SPTLC1: variants seen among roughly 807,000 people sequenced by gnomAD.
SPTLC1 encodes the protein serine palmitoyltransferase 1.
Under a neutral mutation model 68.9 loss-of-function variants are expected in SPTLC1, and 55 were observed. The ratio of observed to expected loss-of-function variants is 0.80; its 90% CI spans 0.64 to 1.00. The LOEUF is 1.00. Ranked by LOEUF, SPTLC1 falls within the 50% of genes least tolerant of loss-of-function variation. SPTLC1 has a pLI of 0.00. For synonymous variants in SPTLC1, 197 were observed against 201.6 expected, an observed-to-expected ratio of 0.98 and a Z score of 0.19; for missense variants, 449 against 573.1, an observed-to-expected ratio of 0.78 and a Z score of 2.21.
intron 2 of SPTLC1, chr9:92,109,277 A>T (rs1377543781): frequency 1.1e-5 from 2 of 182,292 alleles, no homozygotes; most frequent in Admixed American, 1.1e-4. Context: ...ATTATCTCAG[A>T]AGTATCCTTC....
At chr9:92,112,007 T>G (rs181477927) in intron 2 of SPTLC1, 1 of 158,120 alleles carries the variant, frequency 6.3e-6, no homozygotes, top group Non-Finnish European at 1.4e-5. Context: ...TCAGAATTCT[T>G]TTTTGATTTA....
At chr9:92,037,657 T>C (rs1432348702) in intron 13 of SPTLC1, among the ~76,000 whole-genome samples, 1 of 152,192 alleles carries the variant, frequency 6.6e-6, no homozygotes, top group African/African-American at 2.4e-5. Context: ...GGGCAAGCAG[T>C]TTTCCCTGGT....
At chr9:92,066,339 T>C (rs931848357) in intron 6 of SPTLC1, among the ~76,000 whole-genome samples, 1 of 152,194 alleles carries the variant, frequency 6.6e-6, no homozygotes, top group Non-Finnish European at 1.5e-5. Flanking sequence ...ATAAATTCTC[T>C]CTGGCTGTAA....
chr9:92,059,101 C>T (rs1833997278), intron 7 of SPTLC1, 78 bp downstream of exon 7: 7 of 1,538,802 alleles, frequency 4.5e-6, no homozygotes, highest in Middle Eastern at 2.1e-4. Flanking sequence ...GTTTTCATGA[C>T]AAATTACCAT....
At chr9:92,075,807 T>C (rs1011429522) in intron 5 of SPTLC1, among the ~76,000 whole-genome samples, 4 of 152,196 alleles carry the variant, frequency 2.6e-5, no homozygotes, top group Non-Finnish European at 4.4e-5. Context: ...ATGGGGACCA[T>C]TGCCTTTGGA....
At chr9:92,082,228 C>T (rs1834910688) in intron 3 of SPTLC1, among the ~76,000 whole-genome samples, 1 of 151,864 alleles carries the variant, frequency 6.6e-6, no homozygotes, top group Admixed American at 6.6e-5. Flanking sequence ...TCAAGGGCTT[C>T]TCTATTTTAT....
intron 8 of SPTLC1, among the ~76,000 whole-genome samples, chr9:92,053,042 C>CA (rs1833761098): frequency 6.7e-6 from 1 of 148,294 alleles, no homozygotes; most frequent in African/African-American, 2.5e-5. Flanking sequence ...CTTTTAAAAA[C>CA]AAAAAAACAA....
intron 12 of SPTLC1, among the ~76,000 whole-genome samples, chr9:92,039,100 T>C (rs1265451408): frequency 6.6e-6 from 1 of 152,136 alleles, no homozygotes; most frequent in Non-Finnish European, 1.5e-5. Context: ...TGAGCTGAGA[T>C]TGTGCCACTA....
chr9:92,085,155 G>A (rs1835065437), intron 3 of SPTLC1, among the ~76,000 whole-genome samples: 1 of 150,458 alleles, frequency 6.6e-6, no homozygotes, highest in Non-Finnish European at 1.5e-5. Flanking sequence ...AGTCTTGCTA[G>A]CGGTCTATCA....
chr9:92,086,730 C>G (rs898197946), intron 3 of SPTLC1, among the ~76,000 whole-genome samples: 1 of 152,066 alleles, frequency 6.6e-6, no homozygotes, highest in Non-Finnish European at 1.5e-5. Context: ...CTTGGAGTTG[C>G]TCTTCTCAAG....
At position 92,032,485 on chromosome 9, in the gene SPTLC1, C is replaced by A. The variant is rs748723735; in HGVS notation, c.1402G>T (p.Ala468Ser). The change falls in exon 15 of 15, where the codon GCC becomes TCC. Residue 468 changes from alanine (A) to serine (S), a missense_variant. Around this residue, in one of 3 missense-constraint regions of SPTLC1, gnomAD observed 391 missense variants for 472.1 expected, o/e 0.83. Transcript: ENST00000262554. ...ERAASTIKEV[A>S]QAVLL ...TCTGCCTAGAGCAGGACGGCCTGGG[C>A]TACCTCCTTGATGGTGGACGCAGCT... 118 of 1,614,138 alleles carry A rather than the reference C, an allele frequency of 7.3e-5. 1 individual carries two copies. The highest frequency in any genetic ancestry group is 8.9e-5 in the Non-Finnish European group (105 of 1,180,056).
rs1832968758 is a variant in SPTLC1 at position 92,031,651 on chromosome 9, A to G, written c.*814T>C. 6.6e-6 allele frequency: 1 copy of G among 152,596 alleles called. No individual in the cohort carries two copies. Among genetic ancestry groups the G allele is most frequent in the Admixed American group, 6.5e-5 (1 of 15,286 alleles). The allele number at this position is 152,596 out of a possible 1,614,324, so 9.5% of individuals were successfully genotyped here. On this transcript the variant is annotated 3_prime_UTR_variant, in exon 15 of 15. Coordinates refer to ENST00000262554, the MANE Select transcript of SPTLC1 (RefSeq NM_006415.4). Reference sequence around the variant, plus strand: ...AAAAGGAATACATTTGAGATATTCTAAAATATAAAGGATATGATTTATATT... The same window carrying G: ...AAAAGGAATACATTTGAGATATTCTGAAATATAAAGGATATGATTTATATT...
rs1487418038 is a variant in SPTLC1, at chr9:92,031,868, T to C, written c.*597A>G. On this transcript the variant is annotated 3_prime_UTR_variant, in exon 15 of 15. Coordinates refer to ENST00000262554, the MANE Select transcript of SPTLC1 (RefSeq NM_006415.4). ...GAAATGGTGTGACATCAATATTTAG[T>C]GTGTACAAAAGTTCTAAGATTCAAA... The C allele has an allele frequency of 6.2e-6, 1 of 161,488 alleles. No individual in the cohort carries two copies. Among genetic ancestry groups the C allele is most frequent in the Non-Finnish European group, 1.4e-5 (1 of 74,026 alleles). The allele number at this position is 161,488 out of a possible 1,614,324, so 10.0% of individuals were successfully genotyped here.
intron 3 of SPTLC1, among the ~76,000 whole-genome samples, chr9:92,095,505 C>CACAGAAGAATATGTAGCAG (rs1278148455): frequency 6.6e-6 from 1 of 152,100 alleles, no homozygotes; most frequent in Non-Finnish European, 1.5e-5. Context: ...TGGCTGTATA[C>CACAGAAGAATATGTAGCAG]ACAGAAGAAT....
In SPTLC1 at chr9:92,112,626, T is replaced by C; in HGVS notation, c.58-64A>G. On this transcript the variant is annotated intron_variant, in intron 1 of 14. Transcript: ENST00000262554. Reference sequence around the variant, plus strand: ...CACTTCTAACACCTGCACATAAAATTTACTACACCTGCATATACTGCCTCC... The same window carrying C: ...CACTTCTAACACCTGCACATAAAATCTACTACACCTGCATATACTGCCTCC... 3 of 1,019,896 alleles carry C rather than the reference T, an allele frequency of 2.9e-6. No individual in the cohort carries two copies. The Admixed American group carries it at 5.2e-5, about 18-fold the overall frequency. 63.2% of individuals were successfully genotyped at this position (1,019,896 alleles called of 1,614,324 possible).
chr9:92,103,745 G>A (rs200597238), intron 3 of SPTLC1, among the ~76,000 whole-genome samples: 5 of 152,222 alleles, frequency 3.3e-5, no homozygotes, highest in South Asian at 2.1e-4. Flanking sequence ...GAAAGGCCCC[G>A]GGGGAGCCTG....
intron 3 of SPTLC1, chr9:92,104,561 G>A (rs188705823): frequency 3.4e-5 from 50 of 1,466,638 alleles, no homozygotes; most frequent in South Asian, 3.2e-4. Context: ...CCTCAGCCCC[G>A]TGAGGATCTC....
chr9:92,054,575 T>G (rs1833817051), intron 8 of SPTLC1, among the ~76,000 whole-genome samples: 1 of 152,154 alleles, frequency 6.6e-6, no homozygotes. Flanking sequence ...ACCCTTAAAG[T>G]AGGTGTATTT....
rs763065459 is a variant in SPTLC1, at chr9:92,047,687, T to C, written c.910A>G (p.Ser304Gly). The C allele has an allele frequency of 1.9e-6, 3 of 1,613,092 alleles. No individual in the cohort carries two copies. Among genetic ancestry groups the C allele is most frequent in the African/African-American group, 1.3e-5 (1 of 74,888 alleles). The change falls in exon 10 of 15, where the codon AGT becomes GGT. Residue 304 changes from serine (S) to glycine (G), a missense_variant. Transcript: ENST00000262554. ...GINIDDIDLI[S>G]ANMENALASI... ...GCAAGTGCATTCTCCATGTTGGCAC[T>C]GATAAGATCAATATCATCAATCTGC...
Sources: gnomAD v4.1 joint callset for allele counts (sites outside exome capture counted in the v4.1 genomes callset) on GRCh38, gnomAD v4.1.1 for gene constraint, gnomAD v4.1.1 regional missense constraint, MANE v1.5 for transcripts, NCBI Gene and HGNC (gene_info 2026-07-23, HGNC 2026-07-21) for gene names.